Variants in DACH1 observed in about 807,000 individuals in gnomAD.
The protein encoded by DACH1 is dachshund family transcription factor 1, also known as dachshund homolog 1.
Under a neutral mutation model 54.2 loss-of-function variants are expected in DACH1, and 12 were observed. The ratio of observed to expected loss-of-function variants is 0.22; its 90% CI spans 0.14 to 0.36. DACH1 has a LOEUF of 0.36. DACH1 is among the 10% of genes least tolerant of loss of function. The probability of loss-of-function intolerance (pLI) is 1.00; values close to 1 mark genes in which losing one functional copy is unlikely to be tolerated. For missense variants in DACH1, 805 were observed against 929.8 expected (o/e 0.87, Z 1.75); for synonymous variants, 386 against 366.2 (o/e 1.05, Z -0.62).
At chr13:71,655,555 G>A (rs1008991164) in intron 2 of DACH1, among the ~76,000 whole-genome samples, 2 of 151,758 alleles carry the variant, frequency 1.3e-5, no homozygotes, top group Admixed American at 6.6e-5. Context: ...TTTTTCAGGA[G>A]AGACAGGGTT....
intron 2 of DACH1, among the ~76,000 whole-genome samples, chr13:71,681,530 T>C (rs1055181903): frequency 6.6e-6 from 1 of 152,194 alleles, no homozygotes; most frequent in African/African-American, 2.4e-5. Context: ...AAAATAGGAA[T>C]AATAATTTGA....
At chr13:71,484,839 A>G (rs1483040389) in intron 7 of DACH1, among the ~76,000 whole-genome samples, 1 of 152,070 alleles carries the variant, frequency 6.6e-6, no homozygotes, top group African/African-American at 2.4e-5. Context: ...AGGTGGGTAG[A>G]TTAGTTAAGG....
chr13:71,837,631 GGTGA>G (rs1358084738), intron 1 of DACH1, among the ~76,000 whole-genome samples: 1 of 152,032 alleles, frequency 6.6e-6, no homozygotes. Context: ...AAAACAGATA[GGTGA>G]GTATGAAAGG....
Position 71,828,326 on chromosome 13 carries a change from G to C in DACH1, c.848+37596C>G, listed in dbSNP as rs561584623. Among the ~76,000 whole-genome samples the C allele has an allele frequency of 4.6e-5, 7 of 152,078 alleles. No individual in the cohort carries two copies. In the South Asian group the frequency reaches 1.5e-3, roughly 32 times the overall value. ...GTAACGGAAAGGCTCGGGACAGAGT[G>C]ATAAGATCTGTGTCTGCTTCTCTCT... is the stretch of plus-strand genomic sequence containing the variant. On this transcript the variant is annotated intron_variant, in intron 1 of 10. Coordinates refer to ENST00000613252, the MANE Select transcript of DACH1 (RefSeq NM_080759.6).
chr13:71,681,699 A>C, intron 2 of DACH1, 96 bp downstream of exon 2: 1 of 712,416 alleles, frequency 1.4e-6, no homozygotes. Flanking sequence ...AATATAATTG[A>C]TGTGTGTAAA....
intron 6 of DACH1, among the ~76,000 whole-genome samples, chr13:71,521,803 C>T (rs555520597): frequency 2.6e-5 from 4 of 152,196 alleles, no homozygotes; most frequent in African/African-American, 7.2e-5. Flanking sequence ...GGTTTAAAGA[C>T]GAAGAGCCTC....
At chr13:71,569,348 T>C (rs2138406361) in intron 4 of DACH1, among the ~76,000 whole-genome samples, 1 of 152,276 alleles carries the variant, frequency 6.6e-6, no homozygotes, top group South Asian at 2.1e-4. Flanking sequence ...TGTCTTTGCA[T>C]GTGAAAATAG....
chr13:71,696,729 T>A (rs974447826), intron 1 of DACH1, among the ~76,000 whole-genome samples: 1 of 151,988 alleles, frequency 6.6e-6, no homozygotes, highest in African/African-American at 2.4e-5. Context: ...GTGTTTTTAA[T>A]AGAGACAGGG....
intron 7 of DACH1, among the ~76,000 whole-genome samples, chr13:71,483,621 A>T (rs1878247123): frequency 6.7e-6 from 1 of 150,334 alleles, no homozygotes; most frequent in African/African-American, 2.4e-5. Flanking sequence ...TTTAAAATAT[A>T]TTGAAAAGTA....
chr13:71,572,217 A>G (rs1347157345), intron 4 of DACH1, among the ~76,000 whole-genome samples: 4 of 152,174 alleles, frequency 2.6e-5, no homozygotes, highest in African/African-American at 7.2e-5. Flanking sequence ...TGAAAGTAAA[A>G]CATATTTACA....
At chr13:71,737,706 A>G (rs1402783720) in intron 1 of DACH1, among the ~76,000 whole-genome samples, 3 of 152,214 alleles carry the variant, frequency 2.0e-5, no homozygotes, top group African/African-American at 7.2e-5. Flanking sequence ...GAAATCATTT[A>G]GAAGATTCAT....
chr13:71,651,471 G>T (rs1326018729), intron 2 of DACH1, among the ~76,000 whole-genome samples: 2 of 152,050 alleles, frequency 1.3e-5, no homozygotes, highest in Non-Finnish European at 2.9e-5. Flanking sequence ...GATCAGTCTG[G>T]ACAACATGGC....
intron 1 of DACH1, among the ~76,000 whole-genome samples, chr13:71,808,795 A>G (rs958781148): frequency 3.9e-5 from 6 of 152,196 alleles, no homozygotes; most frequent in Admixed American, 2.0e-4. Flanking sequence ...TGCTCTGTGC[A>G]TCTTTATGTT....
intron 1 of DACH1, among the ~76,000 whole-genome samples, chr13:71,725,222 A>G (rs1320968137): frequency 6.6e-6 from 1 of 152,144 alleles, no homozygotes; most frequent in Non-Finnish European, 1.5e-5. Context: ...CTCAAAAGGC[A>G]CCTTTCTTGA....
At chr13:71,587,524 T>A (rs1873372142) in intron 3 of DACH1, among the ~76,000 whole-genome samples, 1 of 152,150 alleles carries the variant, frequency 6.6e-6, no homozygotes, top group Non-Finnish European at 1.5e-5. Context: ...GGACTTGGAA[T>A]ACCACATCTT....
At chr13:71,821,429 A>ATTTAAATTCTAAGAT (rs1888180940) in intron 1 of DACH1, among the ~76,000 whole-genome samples, 1 of 131,122 alleles carries the variant, frequency 7.6e-6, no homozygotes, top group Non-Finnish European at 1.6e-5. Context: ...AAGATTTTAA[A>ATTTAAATTCTAAGAT]TTTAAATTTA....
chr13:71,541,223 C>A (rs920562693), intron 6 of DACH1, among the ~76,000 whole-genome samples: 2 of 151,966 alleles, frequency 1.3e-5, no homozygotes, highest in Admixed American at 1.3e-4. Context: ...GAATACTTTA[C>A]AACTAGGTGC....
intron 1 of DACH1, among the ~76,000 whole-genome samples, chr13:71,827,118 A>T (rs1335619320): frequency 6.6e-6 from 1 of 152,128 alleles, no homozygotes; most frequent in Non-Finnish European, 1.5e-5. Context: ...AAAGAAATAG[A>T]GTAGAAGAGA....
At chr13:71,717,460 G>A (rs993789114) in intron 1 of DACH1, among the ~76,000 whole-genome samples, 2 of 150,750 alleles carry the variant, frequency 1.3e-5, no homozygotes, top group Non-Finnish European at 2.9e-5. Flanking sequence ...GTTTGCTAAG[G>A]TGGTGACCAG....
Sources: gnomAD v4.1 joint callset for allele counts (sites outside exome capture counted in the v4.1 genomes callset) on GRCh38, gnomAD v4.1.1 for gene constraint, MANE v1.5 for transcripts, NCBI Gene and HGNC (gene_info 2026-07-23, HGNC 2026-07-21) for gene names.